ASTN2: variants seen among roughly 807,000 people sequenced by gnomAD.
The protein encoded by ASTN2 is astrotactin 2.
In ASTN2, 54 loss-of-function variants were observed where a neutral mutation model predicts 139.8. The observed-to-expected ratio is 0.39, with a 90% confidence interval of 0.31 to 0.48. The LOEUF is 0.48. ASTN2 is among the 20% of genes least tolerant of loss of function. The pLI is 0.95. For missense variants in ASTN2, 1,565 were observed against 1,725.1 expected (o/e 0.91, Z 1.64); for synonymous variants, 756 against 719.5 (o/e 1.05, Z -0.81).
At chr9:116,911,673 G>A (rs530284873) in intron 10 of ASTN2, among the ~76,000 whole-genome samples, 4 of 152,284 alleles carry the variant, frequency 2.6e-5, no homozygotes, top group African/African-American at 9.6e-5. Flanking sequence ...GGGAGGCCGA[G>A]GCAGGCGGAT....
chr9:116,455,872 C>T (rs1256198145), intron 20 of ASTN2, among the ~76,000 whole-genome samples: 1 of 151,472 alleles, frequency 6.6e-6, no homozygotes. Context: ...CATAGTTCAA[C>T]ACAATAAAAC....
chr9:116,446,305 A>G (rs932218317), intron 20 of ASTN2, among the ~76,000 whole-genome samples: 7 of 148,990 alleles, frequency 4.7e-5, no homozygotes, highest in Non-Finnish European at 5.9e-5. Context: ...AGAGAGAGAG[A>G]GAGAATAATC....
At chr9:116,516,596 C>A (rs377651127) in intron 19 of ASTN2, among the ~76,000 whole-genome samples, 3 of 152,290 alleles carry the variant, frequency 2.0e-5, no homozygotes, top group East Asian at 3.9e-4. Flanking sequence ...AGGAACATAC[C>A]AGGAAGCCAA....
At chr9:116,451,749 G>C (rs560269161) in intron 20 of ASTN2, among the ~76,000 whole-genome samples, 2 of 152,098 alleles carry the variant, frequency 1.3e-5, no homozygotes, top group South Asian at 4.2e-4. Flanking sequence ...AAAAAATGAT[G>C]ACAATTCTTG....
chr9:117,360,191 G>T (rs1050946453), intron 1 of ASTN2, among the ~76,000 whole-genome samples: 3 of 152,066 alleles, frequency 2.0e-5, no homozygotes, highest in Non-Finnish European at 1.5e-5. Flanking sequence ...GAATATGTTT[G>T]GCTCTGTGCT....
intron 4 of ASTN2, among the ~76,000 whole-genome samples, chr9:117,133,843 G>A (rs754642599): frequency 6.6e-5 from 10 of 152,068 alleles, no homozygotes; most frequent in African/African-American, 9.7e-5. Context: ...ATGGGAAAGA[G>A]GAAGAAGTTC....
chr9:117,372,337 G>C (rs1564171670), intron 1 of ASTN2, among the ~76,000 whole-genome samples: 1 of 152,164 alleles, frequency 6.6e-6, no homozygotes, highest in Non-Finnish European at 1.5e-5. Context: ...TGATCAGTCA[G>C]ATATTGGTAC....
intron 20 of ASTN2, among the ~76,000 whole-genome samples, chr9:116,471,296 CCA>C (rs974420321): frequency 6.6e-6 from 1 of 152,158 alleles, no homozygotes; most frequent in Non-Finnish European, 1.5e-5. Context: ...GGCAGCTCAC[CCA>C]CACACAACCT....
At chr9:116,878,788 A>C (rs1383078881) in intron 10 of ASTN2, among the ~76,000 whole-genome samples, 1 of 151,816 alleles carries the variant, frequency 6.6e-6, no homozygotes, top group African/African-American at 2.4e-5. Context: ...ATTTTGAAAA[A>C]GAAAAAAAAG....
intron 13 of ASTN2, among the ~76,000 whole-genome samples, chr9:116,793,137 A>G (rs1830601125): frequency 6.6e-6 from 1 of 152,204 alleles, no homozygotes; most frequent in South Asian, 2.1e-4. Context: ...CAAACAAAAA[A>G]TAATAAAATA....
intron 19 of ASTN2, among the ~76,000 whole-genome samples, chr9:116,579,424 C>A (rs1588033319): frequency 1.3e-5 from 2 of 152,320 alleles, no homozygotes; most frequent in South Asian, 4.1e-4. Context: ...GTAACGGATA[C>A]AACCATTATC....
intron 2 of ASTN2, among the ~76,000 whole-genome samples, chr9:117,217,310 T>G (rs534858311): frequency 5.4e-4 from 82 of 152,272 alleles, no homozygotes; most frequent in African/African-American, 1.8e-3. Flanking sequence ...TTTGGGCATT[T>G]CATTCAGTGA....
chr9:116,731,135 T>C (rs1344528166), intron 14 of ASTN2, among the ~76,000 whole-genome samples: 1 of 151,308 alleles, frequency 6.6e-6, no homozygotes, highest in East Asian at 2.0e-4. Flanking sequence ...CTGGGGATTA[T>C]GGTTGGAATG....
chr9:116,835,459 C>T (rs1402012785), intron 11 of ASTN2, among the ~76,000 whole-genome samples: 1 of 152,112 alleles, frequency 6.6e-6, no homozygotes, highest in Non-Finnish European at 1.5e-5. Context: ...TCAGACCCTC[C>T]CAATCCTAAA....
At chr9:116,912,166 G>A (rs1464918830) in intron 10 of ASTN2, among the ~76,000 whole-genome samples, 4 of 152,228 alleles carry the variant, frequency 2.6e-5, no homozygotes, top group Non-Finnish European at 5.9e-5. Context: ...CCAGCTGCAA[G>A]GCAGCCTGGC....
chr9:117,335,219 C>T (rs548101037), intron 1 of ASTN2, among the ~76,000 whole-genome samples: 3 of 152,266 alleles, frequency 2.0e-5, no homozygotes, highest in Admixed American at 6.5e-5. Flanking sequence ...TCTTTAAGCT[C>T]TAAAAGGACC....
intron 6 of ASTN2, among the ~76,000 whole-genome samples, chr9:117,014,890 C>CAAACT (rs1186908655): frequency 6.6e-6 from 1 of 152,182 alleles, no homozygotes; most frequent in Admixed American, 6.5e-5. Flanking sequence ...ACCATGATCT[C>CAAACT]AAACTTCTAA....
chr9:117,195,246 T>TGA (rs1831465845), intron 3 of ASTN2, among the ~76,000 whole-genome samples: 1 of 152,094 alleles, frequency 6.6e-6, no homozygotes, highest in African/African-American at 2.4e-5. Flanking sequence ...ATCAGAATGA[T>TGA]GAGAGAGAGC....
chr9:116,943,024 G>A (rs1362549368), intron 10 of ASTN2, among the ~76,000 whole-genome samples: 3 of 152,210 alleles, frequency 2.0e-5, no homozygotes, highest in Non-Finnish European at 2.9e-5. Context: ...GGCAGAATTA[G>A]AAGTTATTAC....
Sources: gnomAD v4.1 joint callset for allele counts (sites outside exome capture counted in the v4.1 genomes callset) on GRCh38, gnomAD v4.1.1 for gene constraint, MANE v1.5 for transcripts, NCBI Gene and HGNC (gene_info 2026-07-23, HGNC 2026-07-21) for gene names.